The following KRT72 variants were observed in gnomAD, a reference collection of about 807,000 sequenced individuals.
KRT72 encodes the protein keratin 72.
A neutral mutation model predicts 44.7 loss-of-function variants in KRT72; 44 were observed. The observed-to-expected ratio is 0.98, with a 90% CI of 0.77 to 1.27. The LOEUF is 1.27. Among genes scored for constraint, KRT72 ranks in the 50% most tolerant of loss-of-function variants. The pLI is 0.00. For missense variants in KRT72, 736 were observed against 667.1 expected, an observed-to-expected ratio of 1.10 and a Z score of -1.14; for synonymous variants, 302 against 280.4, an observed-to-expected ratio of 1.08 and a Z score of -0.77.
chr12:52,593,848 G>A (rs7977909), intron 2 of KRT72, among the ~76,000 whole-genome samples: 11,282 of 152,176 alleles, frequency 0.074, 478 homozygotes, highest in East Asian at 0.12. Flanking sequence ...AAAGTAGAAT[G>A]GTGGGAGCCA....
rs1450879026 is a variant in KRT72, at chr12:52,601,021, A to G, written c.426+6T>C. ...CGCAGGGACAGGCCAATGCCCGAGG[A>G]CTCACCTTGTCGATGAAGGAGGCGA... On this transcript the variant is annotated splice_donor_region_variant and intron_variant, in intron 1 of 8. Transcript: ENST00000293745. 6.2e-7 allele frequency: 1 copy of G among 1,611,096 alleles called. No homozygotes were observed. The highest frequency in any genetic ancestry group is 1.7e-5 in the Admixed American group (1 of 59,520).
chr12:52,596,248 A>C (rs949406852), intron 2 of KRT72, among the ~76,000 whole-genome samples: 1 of 152,204 alleles, frequency 6.6e-6, no homozygotes, highest in Non-Finnish European at 1.5e-5. Flanking sequence ...AACTCCTTCC[A>C]TTAAAATCTA....
At chr12:52,589,983 T>C (rs530873035) in intron 6 of KRT72, among the ~76,000 whole-genome samples, 13 of 151,918 alleles carry the variant, frequency 8.6e-5, no homozygotes, top group African/African-American at 2.9e-4. Context: ...CACAGAGGAG[T>C]AGTGCGTGTG....
At chr12:52,599,257 A>G in intron 1 of KRT72, 145 bp from the exon 2 acceptor site, 1 of 740,062 alleles carries the variant, frequency 1.4e-6, no homozygotes, top group East Asian at 2.7e-5. Flanking sequence ...GATTCAGCCG[A>G]GGGACATGCT....
At chr12:52,590,683 C>A (rs1442247565) in intron 6 of KRT72, among the ~76,000 whole-genome samples, 153 bp downstream of exon 6, 2 of 152,198 alleles carry the variant, frequency 1.3e-5, no homozygotes, top group Non-Finnish European at 2.9e-5. Flanking sequence ...GTGTAGGCTG[C>A]TTTATCCCTC....
At position 52,599,919 on chromosome 12, in the gene KRT72, T is replaced by C. The variant is rs1200461367; in HGVS notation, c.427-807A>G. ...AGAACAACAACAGAATCATGGGTTG[T>C]GATTGTAAATGAGAATCACTTGGGA... On this transcript the variant is annotated intron_variant, in intron 1 of 8. Transcript: ENST00000293745. Among the ~76,000 whole-genome samples, 5 of 50,228 alleles carry C rather than the reference T, an allele frequency of 1.0e-4. No homozygotes were observed. The African/African-American group carries it at 1.2e-3, about 12-fold the overall frequency. The allele number at this position is 50,228 out of a possible 152,430, so 33.0% of individuals were successfully genotyped here.
rs1939707196 is a variant in KRT72 at position 52,585,675 on chromosome 12, C to G, written c.*307G>C. ...AAGAGAGTCCCTTGGTAGTGAAGGC[C>G]CAAGAAAGGCATGGGGGCAGAGGGG... On this transcript the variant is annotated 3_prime_UTR_variant, in exon 9 of 9. Coordinates refer to ENST00000293745, the MANE Select transcript of KRT72 (RefSeq NM_080747.3). 3.4e-6 allele frequency: 1 copy of G among 295,286 alleles called. No homozygotes were observed. The highest frequency in any genetic ancestry group is 6.3e-6 in the Non-Finnish European group (1 of 158,162). 18.3% of individuals were successfully genotyped at this position (295,286 alleles called of 1,614,324 possible). A position where few individuals can be genotyped will look rare whatever the true frequency, so the allele number is the denominator to read the frequency against.
chr12:52,600,988 G>A (rs1940418377), intron 1 of KRT72, 39 bp downstream of exon 1: 3 of 1,602,514 alleles, frequency 1.9e-6, no homozygotes, highest in Non-Finnish European at 2.6e-6. Flanking sequence ...CTGTGCACAT[G>A]CGCCCAACGC....
intron 6 of KRT72, 71 bp downstream of exon 6, chr12:52,590,765 T>G: frequency 2.1e-6 from 3 of 1,441,284 alleles, no homozygotes; most frequent in Non-Finnish European, 2.8e-6. Context: ...TTTTACCCTT[T>G]CTTCATATTC....
intron 7 of KRT72, 70 bp downstream of exon 7, chr12:52,587,561 G>C (rs771445358): frequency 4.1e-5 from 63 of 1,533,476 alleles, no homozygotes; most frequent in Non-Finnish European, 5.0e-5. Context: ...GGACCAAACT[G>C]TTTGCCTTGG....
At position 52,593,597 on chromosome 12, in the gene KRT72, G is replaced by A. The variant is rs529294823; in HGVS notation, c.642-645C>T. Among the ~76,000 whole-genome samples the A allele has an allele frequency of 6.6e-5, 10 of 152,272 alleles. No individual in the cohort carries two copies. In the East Asian group the frequency reaches 1.4e-3, roughly 21 times the overall value. On this transcript the variant is annotated intron_variant, in intron 2 of 8. Coordinates refer to ENST00000293745, the MANE Select transcript of KRT72 (RefSeq NM_080747.3). ...AGGACATTTGTGAGAGTATGGTAAC[G>A]AAATAGAGCATTGGTAAGAAATAAT...
intron 2 of KRT72, among the ~76,000 whole-genome samples, chr12:52,598,326 C>T (rs1292328722): frequency 6.6e-6 from 1 of 152,202 alleles, no homozygotes; most frequent in East Asian, 1.9e-4. Context: ...CCACCTGTCC[C>T]TAGAAATCCT....
Position 52,592,420 on chromosome 12 carries a change from T to C in KRT72, c.774A>G (p.Lys258=). 1.9e-6 allele frequency: 3 copies of C among 1,613,616 alleles called. No homozygotes were observed. The highest frequency in any genetic ancestry group is 1.7e-6 in the Non-Finnish European group (2 of 1,179,552). ...CCCCTTCATAAAGGCACTTGAAGAA[T>C]TTAATCTCATCTGTCAAGGAGTCCA... ...AKVDSLTDEI[K]FFKCLYEGEI... Residue 258 remains lysine, a synonymous_variant, in exon 4 of 9, where the codon AAA becomes AAG. Transcript: ENST00000293745.
chr12:52,592,960 G>C lies in KRT72; in HGVS notation c.642-8C>G, dbSNP rs776368179. The C allele has an allele frequency of 6.2e-7, 1 of 1,611,992 alleles. No individual in the cohort carries two copies. On this transcript the variant is annotated splice_region_variant and splice_polypyrimidine_tract_variant and intron_variant, in intron 2 of 8. Transcript: ENST00000293745. ...TTAATCTCCACCTCATACCTGCATG[G>C]GGCAAGACAATGAGGTAATTCAGTT...
chr12:52,600,237 A>T (rs1940373256), intron 1 of KRT72, among the ~76,000 whole-genome samples: 1 of 151,562 alleles, frequency 6.6e-6, no homozygotes, highest in Non-Finnish European at 1.5e-5. Context: ...CTGGCTACAC[A>T]CTTACCCCAC....
chr12:52,601,605 T>C (rs1416405138), upstream of KRT72: 3 of 694,562 alleles, frequency 4.3e-6, no homozygotes, highest in East Asian at 2.9e-5. Flanking sequence ...TTGAGGCCTC[T>C]TGGGTTCTTC....
chr12:52,593,031 G>A (rs1940108689), intron 2 of KRT72, 79 bp from the exon 3 acceptor site: 1 of 1,356,482 alleles, frequency 7.4e-7, no homozygotes. Flanking sequence ...TGTGCTGAGA[G>A]CTGCAGGGTG....
At chr12:52,596,886 G>A (rs910536636) in intron 2 of KRT72, among the ~76,000 whole-genome samples, 2 of 152,120 alleles carry the variant, frequency 1.3e-5, no homozygotes, top group Non-Finnish European at 2.9e-5. Context: ...GTGATAGGGT[G>A]ATCAATAAAA....
rs549611411 is a variant in KRT72, at chr12:52,591,996, C to G, written c.799-368G>C. On this transcript the variant is annotated intron_variant, in intron 4 of 8. Coordinates refer to ENST00000293745, the MANE Select transcript of KRT72 (RefSeq NM_080747.3). ...CCAGGCCTCTGCGCCCTTCTTCATT[C>G]CTCATGCTTTAGCACAGGACAGGCT... 1.8e-4 allele frequency among the ~76,000 whole-genome samples: 28 copies of G among 152,306 alleles called. 1 individual carries two copies. Among genetic ancestry groups the G allele is most frequent in the African/African-American group, 6.7e-4 (28 of 41,566 alleles).
Sources: allele counts gnomAD v4.1 joint callset (sites outside exome capture counted in the v4.1 genomes callset), GRCh38; gene constraint gnomAD v4.1.1; transcripts MANE v1.5; gene names NCBI Gene and HGNC (gene_info 2026-07-23, HGNC 2026-07-21).